Variants in SNX29 observed in about 807,000 individuals in gnomAD.
SNX29 encodes sorting nexin-29.
Under a neutral mutation model 102.1 loss-of-function variants are expected in SNX29, and 78 were observed. The observed-to-expected ratio is 0.76, with a 90% CI of 0.64 to 0.92. The LOEUF (loss-of-function observed/expected upper bound fraction) is 0.92. Ranked by LOEUF, SNX29 falls within the 40% of genes least tolerant of loss-of-function variation. The pLI is 0.00. For missense variants in SNX29, 1,280 were observed against 1,061.7 expected (o/e 1.21, Z -2.86); for synonymous variants, 580 against 414.5 (o/e 1.40, Z -4.85).
chr16:12,231,868 G>A (rs2077780612), intron 14 of SNX29, among the ~76,000 whole-genome samples: 3 of 152,122 alleles, frequency 2.0e-5, no homozygotes, highest in South Asian at 4.2e-4. Flanking sequence ...CTGTGGAGAT[G>A]GAATACTTAC....
chr16:12,099,006 G>A (rs558944754), intron 11 of SNX29, among the ~76,000 whole-genome samples: 14 of 152,190 alleles, frequency 9.2e-5, no homozygotes, highest in Non-Finnish European at 1.8e-4. Context: ...GGGAACTGGG[G>A]AGTGGGGACC....
chr16:12,550,130 A>G (rs1186438377), intron 20 of SNX29, among the ~76,000 whole-genome samples: 1 of 152,262 alleles, frequency 6.6e-6, no homozygotes, highest in African/African-American at 2.4e-5. Context: ...ACTCACATGT[A>G]AAGGGAATAC....
At chr16:12,120,072 C>G (rs150504734) in intron 11 of SNX29, among the ~76,000 whole-genome samples, 1 of 152,034 alleles carries the variant, frequency 6.6e-6, no homozygotes, top group Non-Finnish European at 1.5e-5. Flanking sequence ...GAGAGAGAAA[C>G]AGAACGAAAA....
chr16:12,531,629 G>A (rs1456651687), intron 20 of SNX29, among the ~76,000 whole-genome samples: 1 of 152,202 alleles, frequency 6.6e-6, no homozygotes, highest in East Asian at 1.9e-4. Context: ...TGCCTGCTGG[G>A]GCAATGGAAG....
intron 3 of SNX29, among the ~76,000 whole-genome samples, chr16:12,021,450 G>T (rs775367124): frequency 2.0e-5 from 3 of 151,866 alleles, no homozygotes; most frequent in Non-Finnish European, 4.4e-5. Context: ...AAGTAAATAG[G>T]TCTTTCTGTC....
rs973568003 is a variant in SNX29 at position 12,571,094 on chromosome 16, C to T, written c.*2465C>T. On this transcript the variant is annotated 3_prime_UTR_variant, in exon 21 of 21. Coordinates refer to ENST00000566228, the MANE Select transcript of SNX29 (RefSeq NM_032167.5). Reference sequence around the variant, plus strand: ...CGCACATGACAGCAACTCCCCGAAGCCTTCCCTTTGGAATCCCATAGAATG... The same window carrying T: ...CGCACATGACAGCAACTCCCCGAAGTCTTCCCTTTGGAATCCCATAGAATG... 2.6e-5 allele frequency: 6 copies of T among 232,556 alleles called. No homozygotes were observed. The highest frequency in any genetic ancestry group is 5.6e-5 in the Admixed American group (1 of 17,758). 14.4% of individuals were successfully genotyped at this position (232,556 alleles called of 1,614,324 possible). A position where few individuals can be genotyped will look rare whatever the true frequency, so the allele number is the denominator to read the frequency against.
chr16:12,524,956 C>G, intron 20 of SNX29, 115 bp downstream of exon 20: 1 of 1,430,606 alleles, frequency 7.0e-7, no homozygotes, highest in South Asian at 1.4e-5. Context: ...CGCCATGGGA[C>G]CCAGGCGAAC....
rs1404725155 is a variant in SNX29 at position 12,569,324 on chromosome 16, C to A, written c.*695C>A. 3 of 229,876 alleles carry A rather than the reference C, an allele frequency of 1.3e-5. No individual in the cohort carries two copies. Among genetic ancestry groups the A allele is most frequent in the East Asian group, 6.2e-5 (1 of 16,214 alleles). 14.2% of individuals were successfully genotyped at this position (229,876 alleles called of 1,614,324 possible). On this transcript the variant is annotated 3_prime_UTR_variant, in exon 21 of 21. Transcript: ENST00000566228. ...TGGCTTCAGGAAGGACCAGTGCCCT[C>A]CATAGCCTGAGGCCACCTAGGCCCT...
At position 12,425,541 on chromosome 16, in the gene SNX29, A is replaced by T. The variant is rs537276406; in HGVS notation, c.2037+22012A>T. Among the ~76,000 whole-genome samples, 432 of 66,608 alleles carry T rather than the reference A, an allele frequency of 6.5e-3. 5 individuals carry two copies. Among genetic ancestry groups the T allele is most frequent in the Non-Finnish European group, 0.014 (317 of 22,264 alleles). The allele number at this position is 66,608 out of a possible 152,430, so 43.7% of individuals were successfully genotyped here. The stretch of plus-strand genomic sequence containing the variant: ...AAATGACCAGAGTTAAAAAAAAAAA[A>T]AAATAAAAAAAATAAAAAGAGGGAA... On this transcript the variant is annotated intron_variant, in intron 18 of 20. Coordinates refer to ENST00000566228, the MANE Select transcript of SNX29 (RefSeq NM_032167.5).
At chr16:12,125,605 CTTTTTTTTTTTTT>C (rs36212472) in intron 11 of SNX29, among the ~76,000 whole-genome samples, 102 of 45,432 alleles carry the variant, frequency 2.2e-3, no homozygotes, top group African/African-American at 4.9e-3. Context: ...TGAGATCTCT[CTTTTTTTTTTTTT>C]TTTTTTTTTT....
chr16:12,129,649 G>C lies in SNX29; in HGVS notation c.1486G>C (p.Asp496His), dbSNP rs947045143. 1 of 1,610,834 alleles carries C rather than the reference G, an allele frequency of 6.2e-7. No homozygotes were observed. The highest frequency in any genetic ancestry group is 1.3e-5 in the African/African-American group (1 of 74,842). ...EENRSLRNLL[D>H]GEMEHSAALR... The stretch of plus-strand genomic sequence containing the variant: ...TCCCAGATCACTGCGAAACCTGCTC[G>C]ACGGTGAGATGGAGCACTCAGCCGC... Residue 496 changes from aspartate (D) to histidine (H), a missense_variant, in exon 13 of 21, where the codon GAC becomes CAC. By Grantham distance (81) the Asp-to-His change is moderately conservative. Transcript: ENST00000566228.
At chr16:12,554,086 A>C (rs904784113) in intron 20 of SNX29, among the ~76,000 whole-genome samples, 1 of 152,212 alleles carries the variant, frequency 6.6e-6, no homozygotes, top group African/African-American at 2.4e-5. Flanking sequence ...TTGGCCTCCC[A>C]AAAGCACTTG....
intron 11 of SNX29, among the ~76,000 whole-genome samples, chr16:12,101,416 C>T (rs1252982608): frequency 6.7e-6 from 1 of 149,740 alleles, no homozygotes; most frequent in Non-Finnish European, 1.5e-5. Context: ...CAGAGACTCG[C>T]TCTGTTGCCC....
chr16:12,554,224 C>G (rs1160139499), intron 20 of SNX29, among the ~76,000 whole-genome samples: 2 of 152,222 alleles, frequency 1.3e-5, no homozygotes, highest in East Asian at 1.9e-4. Flanking sequence ...TAGAGCAAAA[C>G]GTGAACATCT....
chr16:12,431,793 C>T (rs542138369), intron 18 of SNX29, among the ~76,000 whole-genome samples: 14 of 152,340 alleles, frequency 9.2e-5, no homozygotes, highest in African/African-American at 1.2e-4. Context: ...GCTGTGAGGT[C>T]GGGTAATGCT....
chr16:12,371,221 T>G (rs1459997617), intron 16 of SNX29, among the ~76,000 whole-genome samples: 1 of 151,546 alleles, frequency 6.6e-6, no homozygotes, highest in African/African-American at 2.4e-5. Flanking sequence ...CAAGCTCCTT[T>G]GGACCAACCT....
Position 12,573,467 on chromosome 16 carries a change from C to T in SNX29, c.*4838C>T, listed in dbSNP as rs369149120. On this transcript the variant is annotated 3_prime_UTR_variant, in exon 21 of 21. Coordinates refer to ENST00000566228, the MANE Select transcript of SNX29 (RefSeq NM_032167.5). The stretch of plus-strand genomic sequence containing the variant: ...TTGAGCCTATGACATTAAGGAGCAG[C>T]GCTGCTGGCGGAAGATTCTAGATTC... 5.4e-5 allele frequency: 12 copies of T among 224,006 alleles called. No individual in the cohort carries two copies. The highest frequency in any genetic ancestry group is 1.8e-4 in the African/African-American group (8 of 44,846). 13.9% of individuals were successfully genotyped at this position (224,006 alleles called of 1,614,324 possible). A position where few individuals can be genotyped will look rare whatever the true frequency, so the allele number is the denominator to read the frequency against.
rs28661303 is a variant in SNX29, at chr16:12,269,130, G to T, written c.1679-8803G>T. Among the ~76,000 whole-genome samples the T allele has an allele frequency of 8.9e-3, 1,357 of 152,316 alleles. 27 individuals are homozygous for T. Among genetic ancestry groups the T allele is most frequent in the African/African-American group, 0.031 (1,278 of 41,566 alleles). ...GTCTATTTGAATATAAGGAGAGAAGGCTTCTTGTTTTTGCCAAATCATTAT... is the reference window on the plus strand; with the variant it reads ...GTCTATTTGAATATAAGGAGAGAAGTCTTCTTGTTTTTGCCAAATCATTAT... On this transcript the variant is annotated intron_variant, in intron 14 of 20. Transcript: ENST00000566228.
chr16:12,183,073 C>T (rs748478121), intron 13 of SNX29, among the ~76,000 whole-genome samples: 3 of 151,976 alleles, frequency 2.0e-5, no homozygotes, highest in Non-Finnish European at 4.4e-5. Flanking sequence ...GATCATAGCT[C>T]ACTGCAGCTG....
Sources: gnomAD v4.1 joint callset for allele counts (sites outside exome capture counted in the v4.1 genomes callset) on GRCh38, gnomAD v4.1.1 for gene constraint, MANE v1.5 for transcripts, NCBI Gene and HGNC (gene_info 2026-07-23, HGNC 2026-07-21) for gene names.